COL21A1: variants seen among roughly 807,000 people sequenced by gnomAD.
COL21A1 encodes the protein collagen alpha-1(XXI) chain.
In COL21A1, 149 loss-of-function variants were observed where a neutral mutation model predicts 137.9. The ratio of observed to expected loss-of-function variants is 1.08; its 90% CI spans 0.95 to 1.24. The LOEUF is 1.24. Ranked by LOEUF, COL21A1 falls within the 50% of genes most tolerant of loss-of-function variation. The pLI, the probability that COL21A1 is intolerant of heterozygous loss-of-function variation, is 0.00. For synonymous variants in COL21A1, 456 were observed against 391.5 expected (o/e 1.16, Z -1.95); for missense variants, 1,167 against 1,158.4 (o/e 1.01, Z -0.11).
At chr6:56,349,370 A>G (rs1765662547) in intron 1 of COL21A1, among the ~76,000 whole-genome samples, 1 of 152,130 alleles carries the variant, frequency 6.6e-6, no homozygotes, top group South Asian at 2.1e-4. Flanking sequence ...ATTTAACCAC[A>G]TAGACTGAGA....
intron 1 of COL21A1, among the ~76,000 whole-genome samples, chr6:56,322,565 A>G (rs1764894237): frequency 6.6e-6 from 1 of 152,162 alleles, no homozygotes. Flanking sequence ...TTATTAATAA[A>G]GATGTGTTTG....
chr6:56,083,181 T>A (rs7767486), intron 17 of COL21A1, among the ~76,000 whole-genome samples: 47,544 of 151,546 alleles, frequency 0.31, 9,280 homozygotes, highest in East Asian at 0.54. Context: ...CTTTCTGGAG[T>A]CTCTCGGAAA....
chr6:56,190,842 A>G (rs1778622718), intron 1 of COL21A1, among the ~76,000 whole-genome samples: 1 of 152,188 alleles, frequency 6.6e-6, no homozygotes, highest in South Asian at 2.1e-4. Context: ...CAAAAACCAC[A>G]TGATTATCTC....
At chr6:56,203,389 A>G (rs559747830) in intron 1 of COL21A1, among the ~76,000 whole-genome samples, 182 of 152,232 alleles carry the variant, frequency 1.2e-3, no homozygotes, top group Non-Finnish European at 2.0e-3. Flanking sequence ...AATGGAAATG[A>G]GCACTCTTTG....
At chr6:56,311,522 G>T (rs901017867) in intron 1 of COL21A1, among the ~76,000 whole-genome samples, 2 of 152,148 alleles carry the variant, frequency 1.3e-5, no homozygotes, top group African/African-American at 2.4e-5. Flanking sequence ...TCTTTAAATG[G>T]ACCTGTAGTA....
rs770639332 is a variant in COL21A1, at chr6:56,170,812, C to A, written c.863G>T (p.Arg288Ile). 6.2e-7 allele frequency: 1 copy of A among 1,610,832 alleles called. No homozygotes were observed. The highest frequency in any genetic ancestry group is 1.7e-5 in the Admixed American group (1 of 59,592). The change falls in exon 5 of 30, where the codon AGA (arginine) becomes ATA (isoleucine). Residue 288 changes from arginine to isoleucine, a missense_variant. Physicochemically the swap from Arg to Ile is moderately conservative, Grantham distance 97. Transcript: ENST00000244728. ...ATCCCAAATTTTCTTGACTTTAAAT[C>A]TTTGAGTAGACACAAATACATATGA... ...PPSYVFVSTQ[R>I]FKVKKIWDLW...
At chr6:56,311,911 G>T (rs1184816344) in intron 1 of COL21A1, among the ~76,000 whole-genome samples, 1 of 152,228 alleles carries the variant, frequency 6.6e-6, no homozygotes, top group Non-Finnish European at 1.5e-5. Context: ...TGGAGTGGGG[G>T]ATGCCTCAAC....
intron 16 of COL21A1, among the ~76,000 whole-genome samples, chr6:56,111,256 C>T (rs995072447): frequency 6.6e-6 from 1 of 151,622 alleles, no homozygotes; most frequent in Non-Finnish European, 1.5e-5. Flanking sequence ...TCTTCAAAAC[C>T]ATCAAAGTCA....
chr6:56,250,016 A>C (rs1180182167), upstream of COL21A1, among the ~76,000 whole-genome samples: 1 of 152,232 alleles, frequency 6.6e-6, no homozygotes, highest in East Asian at 1.9e-4. Flanking sequence ...TATTCCTCTA[A>C]ATTTTGTCAT....
At chr6:56,068,283 T>A (rs1345064309) in intron 22 of COL21A1, among the ~76,000 whole-genome samples, 1 of 151,482 alleles carries the variant, frequency 6.6e-6, no homozygotes, top group Non-Finnish European at 1.5e-5. Context: ...GCAAGGGACA[T>A]GAAGATGGAG....
intron 1 of COL21A1, among the ~76,000 whole-genome samples, chr6:56,386,756 T>G (rs559272504): frequency 6.6e-6 from 1 of 152,292 alleles, no homozygotes; most frequent in South Asian, 2.1e-4. Flanking sequence ...AAGAAGGATT[T>G]TAAAGGAAGC....
rs115705575 is a variant in COL21A1, at chr6:56,114,012, G to A, written c.1758+10050C>T. Among the ~76,000 whole-genome samples, 1,272 of 152,304 alleles carry A rather than the reference G, an allele frequency of 8.4e-3. 11 individuals are homozygous for A. Among genetic ancestry groups the A allele is most frequent in the Non-Finnish European group, 0.015 (1,026 of 68,010 alleles). ...GAGAGAAAAAAGTGAGAAGGACTGC[G>A]TCTTGTGGTTTAAGTGCCAGCTCTG... On this transcript the variant is annotated intron_variant, in intron 16 of 29. Coordinates refer to ENST00000244728, the MANE Select transcript of COL21A1 (RefSeq NM_030820.4).
intron 12 of COL21A1, among the ~76,000 whole-genome samples, chr6:56,132,426 G>A (rs1363929135): frequency 2.6e-5 from 4 of 152,134 alleles, no homozygotes; most frequent in Non-Finnish European, 5.9e-5. Flanking sequence ...AAAGAATAAT[G>A]AGGAAGGATT....
intron 1 of COL21A1, among the ~76,000 whole-genome samples, chr6:56,213,087 T>C (rs376661252): frequency 2.0e-5 from 3 of 152,104 alleles, no homozygotes; most frequent in East Asian, 3.9e-4. Flanking sequence ...ACCAGTCTGA[T>C]ATTCTGTGAC....
At chr6:56,306,996 C>T (rs1016731846) in intron 1 of COL21A1, among the ~76,000 whole-genome samples, 1 of 152,174 alleles carries the variant, frequency 6.6e-6, no homozygotes, top group Non-Finnish European at 1.5e-5. Flanking sequence ...CACTCCACAC[C>T]CTGTTTGCCT....
intron 1 of COL21A1, chr6:56,331,710 C>T (rs1317319208): frequency 2.6e-5 from 4 of 152,018 alleles, no homozygotes; most frequent in Non-Finnish European, 1.5e-5. Context: ...AATCAGGTAA[C>T]GTGATGCTTC....
At chr6:56,323,043 G>T (rs1764911837) in intron 1 of COL21A1, among the ~76,000 whole-genome samples, 1 of 152,024 alleles carries the variant, frequency 6.6e-6, no homozygotes, top group Non-Finnish European at 1.5e-5. Context: ...AGGTGGCGGT[G>T]AAGGATGAAA....
intron 13 of COL21A1, 117 bp downstream of exon 13, chr6:56,125,979 A>C (rs1011821305): frequency 1.9e-6 from 1 of 518,912 alleles, no homozygotes; most frequent in Admixed American, 4.4e-5. Flanking sequence ...CCCATTGTTT[A>C]CTTTATCTCT....
rs114733295 is a variant in COL21A1 at position 56,324,014 on chromosome 6, G to T, written c.-39+69957C>A. Among the ~76,000 whole-genome samples the T allele has an allele frequency of 8.2e-3, 1,245 of 152,144 alleles. 7 individuals are homozygous for T. The highest frequency in any genetic ancestry group is 0.014 in the Non-Finnish European group (925 of 68,004). On this transcript the variant is annotated intron_variant, in intron 1 of 28. Coordinates refer to the COL21A1 transcript ENST00000370819. ...ATTTTATGGGATATTATAAAGGCTG[G>T]TAGTATTATCTTATAAAAATAATGG...
Sources: gnomAD v4.1 joint callset for allele counts (sites outside exome capture counted in the v4.1 genomes callset) on GRCh38, gnomAD v4.1.1 for gene constraint, MANE v1.5 for transcripts, NCBI Gene and HGNC (gene_info 2026-07-23, HGNC 2026-07-21) for gene names.